Variants in MISP observed in about 807,000 individuals in gnomAD.
MISP encodes mitotic spindle positioning, also known as mitotic interactor and substrate of PLK1.
In MISP, 51 loss-of-function variants were observed where a neutral mutation model predicts 49.3. That is an observed-to-expected ratio of 1.03 (90% CI 0.83 to 1.31). The LOEUF is 1.31. Ranked by LOEUF, MISP falls within the 50% of genes most tolerant of loss-of-function variation. MISP has a pLI of 0.00. For missense variants in MISP, 1,084 were observed against 935.1 expected, an observed-to-expected ratio of 1.16 and a Z score of -2.08; for synonymous variants, 444 against 392.6, an observed-to-expected ratio of 1.13 and a Z score of -1.55.
Position 757,025 on chromosome 19 carries a change from A to G in MISP, c.79A>G (p.Thr27Ala), listed in dbSNP as rs2033560773. The change falls in exon 2 of 5, where the codon ACC becomes GCC. Residue 27 changes from threonine to alanine, a missense_variant. By Grantham distance (58) the Thr-to-Ala change is moderately conservative. Coordinates refer to ENST00000215582, the MANE Select transcript of MISP (RefSeq NM_173481.4). ...CACCGGCCTGGTGCTGGATGGAGAC[A>G]CCAGCTACACATACCATCTGGTGTG... ...RGTGLVLDGD[T>A]SYTYHLVCMG... is the part of the protein sequence containing the mutation. The G allele has an allele frequency of 1.2e-6, 2 of 1,606,186 alleles. No individual in the cohort carries two copies. Among genetic ancestry groups the G allele is most frequent in the Admixed American group, 1.7e-5 (1 of 58,730 alleles).
In MISP at chr19:757,314, C is replaced by A; in HGVS notation, c.368C>A (p.Thr123Asn). Residue 123 changes from threonine to asparagine, a missense_variant, in exon 2 of 5, where the codon ACC becomes AAC. Physicochemically the swap from Thr to Asn is moderately conservative, Grantham distance 65. Coordinates refer to ENST00000215582, the MANE Select transcript of MISP (RefSeq NM_173481.4). ...PEDGEDKEMK[T>N]YRLDAGDADP... is the part of the protein sequence containing the mutation. ...GACGGGGAGGACAAGGAGATGAAGA[C>A]CTACCGCCTGGATGCTGGGGACGCT... The A allele has an allele frequency of 1.2e-6, 2 of 1,614,040 alleles. No individual in the cohort carries two copies. The highest frequency in any genetic ancestry group is 8.5e-7 in the Non-Finnish European group (1 of 1,179,970).
chr19:762,043 G>T (rs1184012412), intron 4 of MISP, among the ~76,000 whole-genome samples: 1 of 151,774 alleles, frequency 6.6e-6, no homozygotes, highest in Non-Finnish European at 1.5e-5. Context: ...CGCCTCCCGG[G>T]TTCACGCCAT....
chr19:757,004 G>T lies in MISP; in HGVS notation c.58G>T (p.Gly20Cys), dbSNP rs143757841. The T allele has an allele frequency of 1.6e-5, 25 of 1,602,216 alleles. No individual in the cohort carries two copies. The highest frequency in any genetic ancestry group is 2.1e-5 in the Non-Finnish European group (25 of 1,173,844). ...LGIPQAHRGT[G>C]LVLDGDTSYT... is the part of the protein sequence containing the mutation. The stretch of plus-strand genomic sequence containing the variant: ...CATCCCTCAGGCACACCGTGGCACC[G>T]GCCTGGTGCTGGATGGAGACACCAG... Residue 20 changes from glycine (G) to cysteine (C), a missense_variant, in exon 2 of 5, where the codon GGC becomes TGC. Physicochemically the swap from Gly to Cys is radical, Grantham distance 159. Transcript: ENST00000215582.
chr19:758,508 A>C lies in MISP; in HGVS notation c.1562A>C (p.Gln521Pro). The C allele has an allele frequency of 6.2e-7, 1 of 1,614,078 alleles. No homozygotes were observed. Among genetic ancestry groups the C allele is most frequent in the Non-Finnish European group, 8.5e-7 (1 of 1,179,962 alleles). ...GCCCCAGACGAGCCCCAGCAGGCCC[A>C]AGTCCCCCATGTCTGGGGCTGGGAG... ...FRAPDEPQQA[Q>P]VPHVWGWEVA... Residue 521 changes from glutamine to proline, a missense_variant, in exon 2 of 5, where the codon CAA becomes CCA. Coordinates refer to ENST00000215582, the MANE Select transcript of MISP (RefSeq NM_173481.4).
intron 1 of MISP, 109 bp from the exon 2 acceptor site, chr19:756,781 C>T (rs1568241514): frequency 2.7e-5 from 17 of 622,978 alleles, no homozygotes; most frequent in Non-Finnish European, 4.2e-5. Flanking sequence ...CATCCCTAAA[C>T]CAATCACAAA....
intron 1 of MISP, among the ~76,000 whole-genome samples, chr19:753,759 C>T (rs1008246725): frequency 5.3e-5 from 8 of 151,364 alleles, no homozygotes; most frequent in Non-Finnish European, 1.0e-4. Flanking sequence ...GGCCCGGGAG[C>T]GACAGTCCTG....
At chr19:756,857 C>T in intron 1 of MISP, 33 bp from the exon 2 acceptor site, 1 of 1,133,090 alleles carries the variant, frequency 8.8e-7, no homozygotes, top group Non-Finnish European at 1.2e-6. Flanking sequence ...GGTGCTCTGA[C>T]TTGATGGCCC....
Position 763,877 on chromosome 19 carries a change from G to A in MISP, c.*287G>A. 1 of 401,298 alleles carries A rather than the reference G, an allele frequency of 2.5e-6. No homozygotes were observed. The highest frequency in any genetic ancestry group is 4.6e-5 in the East Asian group (1 of 21,700). 24.9% of individuals were successfully genotyped at this position (401,298 alleles called of 1,614,324 possible). ...TTCTAAGACTTTGCCAAATGCCCTG[G>A]GTCTAAGAAAGAAAGAGACCCGCTC... On this transcript the variant is annotated 3_prime_UTR_variant, in exon 5 of 5. Coordinates refer to ENST00000215582, the MANE Select transcript of MISP (RefSeq NM_173481.4).
chr19:748,916 A>G (rs762380508), upstream of MISP, among the ~76,000 whole-genome samples: 1 of 152,190 alleles, frequency 6.6e-6, no homozygotes, highest in African/African-American at 2.4e-5. Context: ...AGGTGGGCGG[A>G]TCACAAGGTC....
rs760129748 is a variant in MISP, at chr19:761,621, G to A, written c.1912-4G>A. ...CTGGGCTGACTTGTGTTCCTTTCCT[G>A]TAGTACGCTGGCATCAACCCCTCGG... On this transcript the variant is annotated splice_polypyrimidine_tract_variant and splice_region_variant and intron_variant, in intron 3 of 4. Coordinates refer to ENST00000215582, the MANE Select transcript of MISP (RefSeq NM_173481.4). 2 of 1,614,080 alleles carry A rather than the reference G, an allele frequency of 1.2e-6. No homozygotes were observed. The highest frequency in any genetic ancestry group is 1.3e-5 in the African/African-American group (1 of 75,026).
chr19:758,652 T>C lies in MISP; in HGVS notation c.1706T>C (p.Leu569Pro). The change falls in exon 2 of 5, where the codon CTC becomes CCC. Residue 569 changes from leucine to proline, a missense_variant. Leu to Pro is a moderately conservative substitution (Grantham distance 98). Transcript: ENST00000215582. ...QEVAEERRNA[L>P]FPEVFSPTPD... ...GTGGCAGAGGAGCGGAGAAATGCTC[T>C]CTTCCCAGAGGTCTTCTCCCCAACG... is the stretch of plus-strand genomic sequence containing the variant. 1 of 1,614,230 alleles carries C rather than the reference T, an allele frequency of 6.2e-7. No individual in the cohort carries two copies. Among genetic ancestry groups the C allele is most frequent in the Non-Finnish European group, 8.5e-7 (1 of 1,180,040 alleles).
In MISP at chr19:760,010, C is replaced by T; in HGVS notation, c.1882C>T (p.Pro628Ser). The T allele has an allele frequency of 6.2e-7, 1 of 1,614,004 alleles. No individual in the cohort carries two copies. The highest frequency in any genetic ancestry group is 8.5e-7 in the Non-Finnish European group (1 of 1,179,936). ...AGTGGAAGATCCAGTGGACAGTGCTCCTCCCGGGCAGAGAAAGAAGGAGCA... is the reference window on the plus strand; with the variant it reads ...AGTGGAAGATCCAGTGGACAGTGCTTCTCCCGGGCAGAGAAAGAAGGAGCA... ...WTVEDPVDSAPPGQRKKEQWY... is the reference protein window; with the variant it reads ...WTVEDPVDSASPGQRKKEQWY... The change falls in exon 3 of 5, where the codon CCT (proline) becomes TCT (serine). Residue 628 changes from proline to serine, a missense_variant. By Grantham distance (74) the Pro-to-Ser change is moderately conservative. Coordinates refer to ENST00000215582, the MANE Select transcript of MISP (RefSeq NM_173481.4).
upstream of MISP, among the ~76,000 whole-genome samples, chr19:750,292 T>C (rs1298004900): frequency 5.5e-5 from 8 of 144,782 alleles, no homozygotes; most frequent in South Asian, 2.2e-4. Flanking sequence ...CTCCAACTCC[T>C]GGGTTCAAGT....
chr19:759,205 G>A (rs1434843521), intron 2 of MISP, among the ~76,000 whole-genome samples: 1 of 151,218 alleles, frequency 6.6e-6, no homozygotes, highest in Non-Finnish European at 1.5e-5. Context: ...TGTATTTTTA[G>A]TAGAGACAGG....
chr19:755,046 G>T (rs2033527408), intron 1 of MISP, among the ~76,000 whole-genome samples: 1 of 150,506 alleles, frequency 6.6e-6, no homozygotes. Flanking sequence ...GAAGAGGAGG[G>T]TCTGGTTTGG....
rs953180344 is a variant in MISP at position 763,820 on chromosome 19, G to A, written c.*230G>A. On this transcript the variant is annotated 3_prime_UTR_variant, in exon 5 of 5. Coordinates refer to ENST00000215582, the MANE Select transcript of MISP (RefSeq NM_173481.4). The stretch of plus-strand genomic sequence containing the variant: ...GCCTTTGGGGTCTAAAGCTTTTGGG[G>A]ATGAAATGGGACCCCTGCTGATTCT... The A allele has an allele frequency of 3.7e-6, 2 of 535,262 alleles. No individual in the cohort carries two copies. The highest frequency in any genetic ancestry group is 3.2e-5 in the Admixed American group (1 of 31,576). 33.2% of individuals were successfully genotyped at this position (535,262 alleles called of 1,614,324 possible). A position where few individuals can be genotyped will look rare whatever the true frequency, so the allele number is the denominator to read the frequency against.
intron 4 of MISP, among the ~76,000 whole-genome samples, chr19:761,936 TTTTTTG>T (rs750908371): frequency 3.0e-4 from 46 of 152,192 alleles, no homozygotes; most frequent in South Asian, 6.2e-4. Flanking sequence ...ATGTTGCTTT[TTTTTTG>T]TTTTTGTTTT....
intron 4 of MISP, among the ~76,000 whole-genome samples, chr19:762,572 A>G (rs1191413003): frequency 6.6e-6 from 1 of 152,180 alleles, no homozygotes; most frequent in Non-Finnish European, 1.5e-5. Flanking sequence ...TTCTTTGAGG[A>G]AGGTATGCAT....
intron 3 of MISP, 97 bp from the exon 4 acceptor site, chr19:761,528 C>T (rs937693242): frequency 2.8e-6 from 4 of 1,422,972 alleles, no homozygotes; most frequent in Admixed American, 3.4e-5. Context: ...CCACTCTTCC[C>T]CAAATGGTGA....
Sources: allele counts gnomAD v4.1 joint callset (sites outside exome capture counted in the v4.1 genomes callset), GRCh38; gene constraint gnomAD v4.1.1; transcripts MANE v1.5; gene names NCBI Gene and HGNC (gene_info 2026-07-23, HGNC 2026-07-21).